The following ZNF777 variants were observed in gnomAD, a reference collection of about 807,000 sequenced individuals.
ZNF777 encodes the protein zinc finger protein 777.
A neutral mutation model predicts 72.1 loss-of-function variants in ZNF777; 7 were observed. That is an observed-to-expected ratio of 0.10 (90% CI 0.06 to 0.18). ZNF777 has a LOEUF of 0.18. Ranked by LOEUF, ZNF777 falls within the 10% of genes least tolerant of loss-of-function variation. The probability of loss-of-function intolerance (pLI) is 1.00; values close to 1 mark genes in which losing one functional copy is unlikely to be tolerated. For missense variants in ZNF777, 828 were observed against 1,128.6 expected (o/e 0.73, Z 3.82); for synonymous variants, 545 against 483.5 (o/e 1.13, Z -1.67).
At position 149,455,105 on chromosome 7, in the gene ZNF777, T is replaced by C. The variant is rs760225670; in HGVS notation, c.846+72A>G. 11 of 1,515,842 alleles carry C rather than the reference T, an allele frequency of 7.3e-6. No homozygotes were observed. Among genetic ancestry groups the C allele is most frequent in the Non-Finnish European group, 9.7e-6 (11 of 1,131,556 alleles). 93.9% of individuals were successfully genotyped at this position (1,515,842 alleles called of 1,614,324 possible). ...TTATCAACCACCCCTTTCTTTCATA[T>C]TACACTACATTCCTAAACCACACTC... On this transcript the variant is annotated intron_variant, in intron 2 of 5. Transcript: ENST00000247930. This position sits in a 1 kb window ranked among gnomAD's most constrained non-coding sequence, Gnocchi z 4.2.
rs1238741096 is a variant in ZNF777, at chr7:149,443,515, T to TTG, written c.1088-6691_1088-6690dup. 2.6e-5 allele frequency among the ~76,000 whole-genome samples: 4 copies of TTG among 152,340 alleles called. No individual in the cohort carries two copies. The East Asian group carries it at 7.7e-4, about 29-fold the overall frequency. ...CCAGCTCAAAGTAAATAAATATTGG[T>TTG]TGACACTGACTTTCCAATCTTCGCA... On this transcript the variant is annotated intron_variant, in intron 4 of 5. Transcript: ENST00000247930.
intron 4 of ZNF777, among the ~76,000 whole-genome samples, chr7:149,442,853 C>G (rs1799547683): frequency 6.6e-6 from 1 of 151,970 alleles, no homozygotes; most frequent in Non-Finnish European, 1.5e-5. Context: ...ATAAAAACAT[C>G]CAAATATTGT....
chr7:149,455,565 G>A lies in ZNF777; in HGVS notation c.458C>T (p.Pro153Leu), dbSNP rs371517010. Reference protein sequence around the residue: ...SPTVPETDMDPLLQSPVSQKD... With the variant: ...SPTVPETDMDLLLQSPVSQKD... ...TTGGGAAACCGGGCTCTGGAGCAGC[G>A]GGTCCATGTCAGTCTCGGGAACTGT... Residue 153 changes from proline to leucine, a missense_variant, in exon 2 of 6, where the codon CCG (proline) becomes CTG (leucine). This residue lies in a region of ZNF777 where 222 missense variants were observed against 211.2 expected (regional missense o/e 1.05). Transcript: ENST00000247930. This position sits in a 1 kb window ranked among gnomAD's most constrained non-coding sequence, Gnocchi z 4.2. 98 of 1,613,656 alleles carry A rather than the reference G, an allele frequency of 6.1e-5. No individual in the cohort carries two copies. The highest frequency in any genetic ancestry group is 7.6e-5 in the Non-Finnish European group (90 of 1,179,988).
At chr7:149,433,277 G>A (rs1799356283) in intron 5 of ZNF777, among the ~76,000 whole-genome samples, 3 of 152,216 alleles carry the variant, frequency 2.0e-5, no homozygotes, top group Admixed American at 1.3e-4. Context: ...CAGCAGGAAA[G>A]AAGGAAACCA....
intron 3 of ZNF777, among the ~76,000 whole-genome samples, chr7:149,452,472 T>C (rs1448443502): frequency 4.1e-5 from 6 of 147,714 alleles, no homozygotes; most frequent in Non-Finnish European, 7.5e-5. Context: ...CTACTAAAAA[T>C]ACAAAAAAAA....
At chr7:149,448,579 CTATA>C (rs57860880) in intron 4 of ZNF777, among the ~76,000 whole-genome samples, 3,815 of 114,870 alleles carry the variant, frequency 0.033, 78 homozygotes, top group Admixed American at 0.069. Context: ...ATACATATAA[CTATA>C]TATATATATA....
At chr7:149,457,973 G>C (rs1414301086) in intron 1 of ZNF777, among the ~76,000 whole-genome samples, 3 of 152,314 alleles carry the variant, frequency 2.0e-5, no homozygotes, top group African/African-American at 7.2e-5. Context: ...ACTGTCAACT[G>C]AGGCAGCTGG....
At chr7:149,452,680 T>A (rs1222763922) in intron 3 of ZNF777, among the ~76,000 whole-genome samples, 2 of 152,042 alleles carry the variant, frequency 1.3e-5, no homozygotes, top group Admixed American at 1.3e-4. Context: ...GGTATCATTT[T>A]TCACCTATAA....
Position 149,431,824 on chromosome 7 carries a change from G to T in ZNF777, c.2448C>A (p.Arg816=). Residue 816 remains arginine (R), a synonymous_variant, in exon 6 of 6, where the codon CGC becomes CGA. Transcript: ENST00000247930. The part of the protein sequence containing the change: ...YPCTHCAKCF[R]YKQSLKYHLR... ...GGTGGTACTTGAGCGACTGCTTGTA[G>T]CGGAAGCACTTGGCGCAGTGCGTGC... The T allele has an allele frequency of 1.2e-6, 2 of 1,602,792 alleles. No individual in the cohort carries two copies. The highest frequency in any genetic ancestry group is 1.7e-6 in the Non-Finnish European group (2 of 1,179,102).
chr7:149,432,334 G>A lies in ZNF777; in HGVS notation c.1938C>T (p.Ser646=). The A allele has an allele frequency of 6.2e-7, 1 of 1,610,710 alleles. No homozygotes were observed. The highest frequency in any genetic ancestry group is 1.1e-5 in the South Asian group (1 of 91,090). The change falls in exon 6 of 6, where the codon AGC becomes AGT. Residue 646 remains serine (S), a synonymous_variant. Transcript: ENST00000247930. ...GGTGTTTGGTCAGGCTGGACTTGTG[G>A]CTGAAGCTGCTGTCGCACTCGGGGC... ...YKCPECDSSF[S]HKSSLTKHQI...
At chr7:149,442,152 G>A (rs1205451938) in intron 4 of ZNF777, among the ~76,000 whole-genome samples, 5 of 150,736 alleles carry the variant, frequency 3.3e-5, no homozygotes, top group African/African-American at 1.2e-4. Flanking sequence ...GGGAGGCGGA[G>A]GTTGCAGTGA....
At chr7:149,454,269 G>C (rs765684594) in intron 2 of ZNF777, 32 bp from the exon 3 acceptor site, 44 of 1,612,416 alleles carry the variant, frequency 2.7e-5, no homozygotes, top group Non-Finnish European at 3.3e-5. Flanking sequence ...GCTCAGACCC[G>C]CTGGAAGGCA....
In ZNF777 at chr7:149,432,616, G is replaced by A. The variant is rs1298248072; in HGVS notation, c.1656C>T (p.Gly552=). 3 of 1,613,728 alleles carry A rather than the reference G, an allele frequency of 1.9e-6. No homozygotes were observed. The highest frequency in any genetic ancestry group is 2.5e-6 in the Non-Finnish European group (3 of 1,179,796). The change falls in exon 6 of 6, where the codon GGC becomes GGT. Residue 552 remains glycine, a synonymous_variant. Transcript: ENST00000247930. The stretch of plus-strand genomic sequence containing the variant: ...GGTTGATCTTCAGGCGGAAGCTCTT[G>A]CCGCACTCCATGCATGTGAAGGGCC... The part of the protein sequence containing the change: ...GERPFTCMEC[G]KSFRLKINLI...
chr7:149,437,293 A>C (rs1799430630), intron 4 of ZNF777, among the ~76,000 whole-genome samples: 1 of 152,042 alleles, frequency 6.6e-6, no homozygotes, highest in South Asian at 2.1e-4. Context: ...GTTTATTTTA[A>C]AGAGATGCTC....
intron 4 of ZNF777, among the ~76,000 whole-genome samples, chr7:149,445,478 C>A (rs1014333866): frequency 1.2e-4 from 19 of 152,114 alleles, no homozygotes; most frequent in African/African-American, 4.6e-4. Flanking sequence ...TCTGTTTGGC[C>A]CATAGGGTGC....
intron 2 of ZNF777, 141 bp from the exon 3 acceptor site, chr7:149,454,378 A>G (rs890142465): frequency 1.7e-5 from 17 of 990,682 alleles, no homozygotes; most frequent in African/African-American, 1.6e-4. Context: ...CCTGGCCCCA[A>G]AGAGTGAGGG....
chr7:149,443,701 GCCT>G (rs1799562478), intron 4 of ZNF777, among the ~76,000 whole-genome samples: 1 of 152,068 alleles, frequency 6.6e-6, no homozygotes, highest in African/African-American at 2.4e-5. Flanking sequence ...TCCTGCCTTA[GCCT>G]CCTGAGTAGC....
chr7:149,432,743 T>C lies in ZNF777; in HGVS notation c.1529A>G (p.Asn510Ser). ...EESPPPLQLG[N>S]PAVKRLAPSV... ...GGGCGCCAGCCTTTTCACTGCGGGG[T>C]TTCCTAGCTGCAGGGGCGGGGGGCT... Residue 510 changes from asparagine to serine, a missense_variant, in exon 6 of 6, where the codon AAC (asparagine) becomes AGC (serine). By Grantham distance (46) the Asn-to-Ser change is conservative (BLOSUM62 1). Around this residue, in one of 12 missense-constraint regions of ZNF777, gnomAD observed 219 missense variants for 223.0 expected, o/e 0.98. Transcript: ENST00000247930. 6.2e-7 allele frequency: 1 copy of C among 1,611,376 alleles called. No individual in the cohort carries two copies. Among genetic ancestry groups the C allele is most frequent in the Non-Finnish European group, 8.5e-7 (1 of 1,178,272 alleles).
chr7:149,459,400 T>G (rs1799898337), intron 1 of ZNF777, among the ~76,000 whole-genome samples: 1 of 152,116 alleles, frequency 6.6e-6, no homozygotes, highest in East Asian at 1.9e-4. Flanking sequence ...GCACTCAAAG[T>G]TTAGCCTACG....
Sources: allele counts gnomAD v4.1 joint callset (sites outside exome capture counted in the v4.1 genomes callset), GRCh38; gene constraint gnomAD v4.1.1; regional missense constraint gnomAD v4.1.1; non-coding constraint Gnocchi (gnomAD v3.1); transcripts MANE v1.5; gene names NCBI Gene and HGNC (gene_info 2026-07-23, HGNC 2026-07-21).